CNTN1: variants seen among roughly 807,000 people sequenced by gnomAD.
The protein encoded by CNTN1 is contactin-1.
CNTN1 carries 38 observed loss-of-function variants against 126.4 expected under a neutral mutation model. The observed-to-expected ratio is 0.30, with a 90% CI of 0.23 to 0.39. CNTN1 has a LOEUF of 0.39. Among genes scored for constraint, CNTN1 ranks in the 10% least tolerant of loss-of-function variants. The pLI is 1.00. For synonymous variants in CNTN1, 413 were observed against 422.6 expected (o/e 0.98, Z 0.28); for missense variants, 1,009 against 1,248.4 (o/e 0.81, Z 2.89).
At chr12:40,948,056 CACTT>C (rs886708362) in intron 14 of CNTN1, among the ~76,000 whole-genome samples, 1 of 151,746 alleles carries the variant, frequency 6.6e-6, no homozygotes, top group African/African-American at 2.4e-5. Context: ...ATTAATCATT[CACTT>C]ACTTCATTCA....
In CNTN1 at chr12:40,753,053, T is replaced by C. The variant is rs116056201; in HGVS notation, c.-77+60461T>C. On this transcript the variant is annotated intron_variant, in intron 1 of 23. Coordinates refer to ENST00000551295, the MANE Select transcript of CNTN1 (RefSeq NM_001843.4). ...TCTTCACATATGGTAGTGGTAGTTA[T>C]GGTGAGGAAAGAGTGGGGTTGACCA... Among the ~76,000 whole-genome samples, 674 of 152,240 alleles carry C rather than the reference T, an allele frequency of 4.4e-3. 6 individuals carry two copies. Among genetic ancestry groups the C allele is most frequent in the African/African-American group, 0.015 (631 of 41,560 alleles).
chr12:40,939,745 G>T (rs1257154664), intron 12 of CNTN1, among the ~76,000 whole-genome samples: 1 of 151,920 alleles, frequency 6.6e-6, no homozygotes, highest in Admixed American at 6.6e-5. Context: ...TTGTCTTGTT[G>T]TTATAAATTG....
intron 16 of CNTN1, among the ~76,000 whole-genome samples, chr12:40,988,367 C>A (rs1948018190): frequency 6.6e-6 from 1 of 152,038 alleles, no homozygotes; most frequent in Non-Finnish European, 1.5e-5. Flanking sequence ...AAAGAAATAC[C>A]AGGACTCACT....
At chr12:40,809,883 TA>T (rs1940993552) in intron 1 of CNTN1, among the ~76,000 whole-genome samples, 1 of 151,970 alleles carries the variant, frequency 6.6e-6, no homozygotes, top group Non-Finnish European at 1.5e-5. Context: ...TGACTCTATA[TA>T]TTTGGAGAAT....
chr12:40,970,767 A>G (rs1056428202), intron 15 of CNTN1, among the ~76,000 whole-genome samples: 2 of 152,176 alleles, frequency 1.3e-5, no homozygotes, highest in African/African-American at 2.4e-5. Context: ...GGTATTAGGT[A>G]AATCGATTAG....
At chr12:40,755,518 G>C (rs890751585) in intron 1 of CNTN1, among the ~76,000 whole-genome samples, 1 of 151,708 alleles carries the variant, frequency 6.6e-6, no homozygotes, top group Non-Finnish European at 1.5e-5. Flanking sequence ...TTTGGGATCA[G>C]CTAGGGAACA....
intron 23 of CNTN1, among the ~76,000 whole-genome samples, chr12:41,056,409 G>C (rs1949802282): frequency 1.3e-5 from 2 of 152,070 alleles, no homozygotes; most frequent in South Asian, 4.1e-4. Flanking sequence ...CTCTTAATCT[G>C]TATACTATGT....
intron 1 of CNTN1, among the ~76,000 whole-genome samples, chr12:40,750,015 T>C (rs1432536762): frequency 1.3e-5 from 2 of 152,076 alleles, no homozygotes; most frequent in East Asian, 3.9e-4. Flanking sequence ...AATTTGGTGG[T>C]GTAGAGGTCA....
At chr12:40,825,197 A>G (rs1305099383) in intron 1 of CNTN1, among the ~76,000 whole-genome samples, 1 of 152,168 alleles carries the variant, frequency 6.6e-6, no homozygotes, top group African/African-American at 2.4e-5. Context: ...GAAAAGTAGA[A>G]AGCATGCCTT....
chr12:40,786,460 T>A (rs929699257), intron 1 of CNTN1, among the ~76,000 whole-genome samples: 2 of 152,296 alleles, frequency 1.3e-5, no homozygotes, highest in East Asian at 3.9e-4. Flanking sequence ...ATAAGAGGCA[T>A]GTCCATGGAT....
At chr12:40,995,747 A>C (rs1262071706) in intron 17 of CNTN1, among the ~76,000 whole-genome samples, 2 of 150,370 alleles carry the variant, frequency 1.3e-5, no homozygotes, top group African/African-American at 2.4e-5. Flanking sequence ...TCTCAATTGT[A>C]AAAAAAAAAT....
intron 1 of CNTN1, among the ~76,000 whole-genome samples, chr12:40,786,347 C>T (rs960963981): frequency 5.3e-5 from 8 of 152,172 alleles, no homozygotes; most frequent in Non-Finnish European, 1.0e-4. Context: ...CATCACATCT[C>T]TCTCTAGCCC....
intron 1 of CNTN1, among the ~76,000 whole-genome samples, chr12:40,737,359 G>GTGTATA (rs1304140380): frequency 2.7e-4 from 31 of 113,246 alleles, no homozygotes; most frequent in African/African-American, 7.7e-4. Flanking sequence ...ATGTGTGTGT[G>GTGTATA]TATATATATA....
intron 15 of CNTN1, among the ~76,000 whole-genome samples, chr12:40,976,090 T>A (rs916960065): frequency 1.3e-5 from 2 of 152,172 alleles, no homozygotes; most frequent in African/African-American, 4.8e-5. Flanking sequence ...TTTTATTCCC[T>A]CCTCCATATT....
intron 1 of CNTN1, among the ~76,000 whole-genome samples, chr12:40,721,178 T>C (rs1480154280): frequency 6.6e-6 from 1 of 152,110 alleles, no homozygotes; most frequent in Non-Finnish European, 1.5e-5. Flanking sequence ...GAATTATGTT[T>C]CACACAGTGA....
chr12:41,025,423 C>T (rs1949017244), intron 21 of CNTN1, 87 bp downstream of exon 21: 2 of 1,295,432 alleles, frequency 1.5e-6, no homozygotes, highest in East Asian at 4.7e-5. Context: ...AAATTTCCTA[C>T]CTAGCTACCT....
chr12:40,929,708 A>G, intron 6 of CNTN1, 88 bp from the exon 7 acceptor site: 1 of 950,256 alleles, frequency 1.1e-6, no homozygotes. Context: ...TTATTAGATT[A>G]AGTGATAGCT....
At chr12:41,060,588 T>C (rs1235838034) in intron 23 of CNTN1, among the ~76,000 whole-genome samples, 1 of 152,214 alleles carries the variant, frequency 6.6e-6, no homozygotes, top group Non-Finnish European at 1.5e-5. Flanking sequence ...TAACTCAGTG[T>C]ATTTCACAAA....
In CNTN1 at chr12:40,763,679, C is replaced by T. The variant is rs979561994; in HGVS notation, c.-77+71087C>T. 7.2e-5 allele frequency among the ~76,000 whole-genome samples: 11 copies of T among 151,946 alleles called. 1 individual carries two copies. The South Asian group carries it at 1.0e-3, about 14-fold the overall frequency. On this transcript the variant is annotated intron_variant, in intron 1 of 23. Transcript: ENST00000551295. ...AGTATTTGGGTCTTTGTCTAGGGTGCCACAGAATAAAATGAGGAAAACAAA... is the reference window on the plus strand; with the variant it reads ...AGTATTTGGGTCTTTGTCTAGGGTGTCACAGAATAAAATGAGGAAAACAAA...
Sources: gnomAD v4.1 joint callset for allele counts (sites outside exome capture counted in the v4.1 genomes callset) on GRCh38, gnomAD v4.1.1 for gene constraint, MANE v1.5 for transcripts, NCBI Gene and HGNC (gene_info 2026-07-23, HGNC 2026-07-21) for gene names.